MTMR3: variants seen among roughly 807,000 people sequenced by gnomAD.
The protein encoded by MTMR3 is myotubularin related protein 3.
In MTMR3, 32 loss-of-function variants were observed where a neutral mutation model predicts 132.4. The observed-to-expected ratio is 0.24, with a 90% CI of 0.18 to 0.32. The LOEUF (loss-of-function observed/expected upper bound fraction) is 0.32. MTMR3 is among the 10% of genes least tolerant of loss of function. MTMR3 has a pLI of 1.00. For missense variants in MTMR3, 1,216 were observed against 1,489.6 expected (o/e 0.82, Z 3.02); for synonymous variants, 556 against 550.3 (o/e 1.01, Z -0.14).
chr22:30,023,633 A>C, intron 19 of MTMR3: 2 of 930,688 alleles, frequency 2.1e-6, no homozygotes, highest in Admixed American at 2.0e-5. Context: ...GAGGGGATTC[A>C]AAGCAGCTGA....
At chr22:30,015,498 C>CTCCCTCCCTCCT (rs1429813177) in intron 14 of MTMR3, 1 of 142,388 alleles carries the variant, frequency 7.0e-6, no homozygotes, top group Non-Finnish European at 1.6e-5. Flanking sequence ...TCCTCCCTCC[C>CTCCCTCCCTCCT]TCCCTCCCTC....
At chr22:29,908,982 CT>C (rs67722380) in intron 1 of MTMR3, among the ~76,000 whole-genome samples, 30,642 of 139,478 alleles carry the variant, frequency 0.22, 3,441 homozygotes, top group Middle Eastern at 0.4. Flanking sequence ...CTTTTCTTTT[CT>C]TTTTTTTTTT....
chr22:29,939,349 G>T, intron 1 of MTMR3, among the ~76,000 whole-genome samples: 1 of 152,262 alleles, frequency 6.6e-6, no homozygotes, highest in South Asian at 2.1e-4. Context: ...AAGGGACTTT[G>T]TTGGAGCTGA....
At chr22:29,886,313 TTCTA>T (rs1172127657) in intron 1 of MTMR3, among the ~76,000 whole-genome samples, 2 of 152,260 alleles carry the variant, frequency 1.3e-5, no homozygotes, top group Non-Finnish European at 2.9e-5. Flanking sequence ...AGAAATTGTT[TTCTA>T]AAGACTGTCA....
chr22:29,936,048 G>A (rs1473200564), intron 1 of MTMR3, among the ~76,000 whole-genome samples: 3 of 148,322 alleles, frequency 2.0e-5, no homozygotes, highest in Admixed American at 6.7e-5. Flanking sequence ...CACTGTGCCC[G>A]GCCTCCATGC....
chr22:29,913,750 GTTTA>G (rs887435074), intron 1 of MTMR3, among the ~76,000 whole-genome samples: 52 of 151,296 alleles, frequency 3.4e-4, no homozygotes, highest in African/African-American at 1.2e-3. Flanking sequence ...CAGGTTTTGG[GTTTA>G]TTTATTTATT....
intron 5 of MTMR3, chr22:29,980,410 T>G (rs770268997): frequency 6.6e-6 from 1 of 152,190 alleles, no homozygotes; most frequent in African/African-American, 2.4e-5. Context: ...GAGGCAATGC[T>G]GTTCTTTCAT....
intron 1 of MTMR3, among the ~76,000 whole-genome samples, chr22:29,917,152 G>A (rs912695937): frequency 6.6e-6 from 1 of 152,124 alleles, no homozygotes; most frequent in African/African-American, 2.4e-5. Context: ...GATTGTAAAT[G>A]GCTATTTTTC....
At position 29,978,425 on chromosome 22, in the gene MTMR3, G is replaced by T; in HGVS notation, c.4-17G>T. On this transcript the variant is annotated splice_polypyrimidine_tract_variant and intron_variant, in intron 3 of 19. Coordinates refer to ENST00000401950, the MANE Select transcript of MTMR3 (RefSeq NM_021090.4). ...TTAGAAGCTTTGAAATTATTTTAAG[G>T]TTTTGGACTTTTCCAGGATGAAGAG... 1 of 1,597,402 alleles carries T rather than the reference G, an allele frequency of 6.3e-7. No individual in the cohort carries two copies. The highest frequency in any genetic ancestry group is 2.2e-5 in the East Asian group (1 of 44,678).
intron 1 of MTMR3, among the ~76,000 whole-genome samples, chr22:29,909,884 G>A (rs1379431973): frequency 1.4e-5 from 2 of 146,600 alleles, no homozygotes; most frequent in African/African-American, 2.5e-5. Flanking sequence ...GGCCGGGTGC[G>A]GTGGCTCACG....
intron 17 of MTMR3, chr22:30,021,736 G>A: frequency 2.8e-6 from 1 of 355,612 alleles, no homozygotes; most frequent in Admixed American, 4.3e-5. Context: ...CTGACATACA[G>A]AATTCTCATT....
intron 1 of MTMR3, among the ~76,000 whole-genome samples, chr22:29,923,192 T>G (rs542866265): frequency 2.6e-5 from 4 of 151,598 alleles, no homozygotes; most frequent in Non-Finnish European, 5.9e-5. Context: ...CAGGTGCGTG[T>G]CACCACTCCC....
chr22:30,022,242 C>A, intron 18 of MTMR3, 103 bp downstream of exon 18: 1 of 870,390 alleles, frequency 1.1e-6, no homozygotes, highest in Non-Finnish European at 1.8e-6. Flanking sequence ...AAGCACCTCC[C>A]AGCACAGCTA....
intron 2 of MTMR3, among the ~76,000 whole-genome samples, chr22:29,960,305 G>A (rs2066285308): frequency 6.6e-6 from 1 of 152,152 alleles, no homozygotes; most frequent in Non-Finnish European, 1.5e-5. Context: ...AATAGATATG[G>A]TAGATTATTA....
chr22:29,895,984 G>A (rs572427240), intron 1 of MTMR3, among the ~76,000 whole-genome samples: 29 of 152,152 alleles, frequency 1.9e-4, no homozygotes, highest in African/African-American at 6.5e-4. Context: ...TAAAATTTTC[G>A]GTCAGCTCAT....
chr22:29,954,990 T>G (rs542420632), intron 1 of MTMR3, among the ~76,000 whole-genome samples: 7 of 152,326 alleles, frequency 4.6e-5, no homozygotes, highest in African/African-American at 7.2e-5. Flanking sequence ...TTTTGTTGGT[T>G]GTTGTTGTTC....
chr22:29,968,346 G>C (rs1277431146), intron 2 of MTMR3, among the ~76,000 whole-genome samples: 1 of 152,180 alleles, frequency 6.6e-6, no homozygotes, highest in Non-Finnish European at 1.5e-5. Flanking sequence ...ACAGCAGTTT[G>C]AATGTGTCAA....
At chr22:30,022,791 TG>T in intron 19 of MTMR3, 94 bp downstream of exon 19, 1 of 1,136,206 alleles carries the variant, frequency 8.8e-7, no homozygotes, top group Non-Finnish European at 1.3e-6. Context: ...GGTATCTCAG[TG>T]TTCTGTCTGA....
In MTMR3 at chr22:29,914,224, A is replaced by G. The variant is rs553649222; in HGVS notation, c.-138+30865A>G. Among the ~76,000 whole-genome samples, 6 of 152,308 alleles carry G rather than the reference A, an allele frequency of 3.9e-5. No homozygotes were observed. The South Asian group carries it at 6.2e-4, about 16-fold the overall frequency. ...GGCCTATTTTGCATTCCCACTGGCA[A>G]TGCATGAGAATTCCAGGGCTCCAAA... On this transcript the variant is annotated intron_variant, in intron 1 of 19. Coordinates refer to ENST00000401950, the MANE Select transcript of MTMR3 (RefSeq NM_021090.4).
Sources: allele counts gnomAD v4.1 joint callset (sites outside exome capture counted in the v4.1 genomes callset), GRCh38; gene constraint gnomAD v4.1.1; transcripts MANE v1.5; gene names NCBI Gene and HGNC (gene_info 2026-07-23, HGNC 2026-07-21).